The following FARS2 variants were observed in gnomAD, a reference collection of about 807,000 sequenced individuals.
FARS2 encodes the protein phenylalanine--tRNA ligase, mitochondrial.
FARS2 carries 40 observed loss-of-function variants against 46.4 expected under a neutral mutation model. The ratio of observed to expected loss-of-function variants is 0.86; its 90% CI spans 0.67 to 1.12. The LOEUF is 1.12. Among genes scored for constraint, FARS2 ranks in the 50% most tolerant of loss-of-function variants. The pLI is 0.00. For missense variants in FARS2, 513 were observed against 567.9 expected, an observed-to-expected ratio of 0.90 and a Z score of 0.98; for synonymous variants, 234 against 214.9, an observed-to-expected ratio of 1.09 and a Z score of -0.78.
At chr6:5,625,881 T>A (rs1392871332) in intron 6 of FARS2, among the ~76,000 whole-genome samples, 1 of 152,206 alleles carries the variant, frequency 6.6e-6, no homozygotes, top group Non-Finnish European at 1.5e-5. Flanking sequence ...ATCACAAGGC[T>A]GAATCTCAGA....
chr6:5,440,531 C>G (rs79464756), intron 4 of FARS2, among the ~76,000 whole-genome samples: 2,418 of 152,186 alleles, frequency 0.016, 67 homozygotes, highest in African/African-American at 0.055. Flanking sequence ...TTTTTTCCTC[C>G]CTAGGTTTAT....
chr6:5,300,749 C>T (rs1768239842), intron 1 of FARS2, among the ~76,000 whole-genome samples: 1 of 152,032 alleles, frequency 6.6e-6, no homozygotes, highest in Non-Finnish European at 1.5e-5. Context: ...TAGCTTAGTG[C>T]AGCCTTCATC....
intron 1 of FARS2, among the ~76,000 whole-genome samples, chr6:5,281,587 C>G (rs1766726626): frequency 6.6e-6 from 1 of 152,196 alleles, no homozygotes; most frequent in Non-Finnish European, 1.5e-5. Flanking sequence ...TCATCCCACA[C>G]TGAAACTCTG....
At chr6:5,386,277 G>C (rs1289535499) in intron 2 of FARS2, among the ~76,000 whole-genome samples, 2 of 152,120 alleles carry the variant, frequency 1.3e-5, no homozygotes, top group Admixed American at 6.6e-5. Flanking sequence ...ACGAGTCCCC[G>C]GAATGTGTAG....
chr6:5,715,920 A>G (rs1317166575), intron 6 of FARS2, among the ~76,000 whole-genome samples: 1 of 152,180 alleles, frequency 6.6e-6, no homozygotes, highest in East Asian at 1.9e-4. Context: ...ACTGTTGTAT[A>G]TTTGTACTAG....
chr6:5,404,998 C>T (rs941140534), intron 3 of FARS2, among the ~76,000 whole-genome samples: 4 of 151,888 alleles, frequency 2.6e-5, no homozygotes, highest in African/African-American at 9.7e-5. Flanking sequence ...AGGGTTTTAC[C>T]ATGTTGGCCA....
intron 4 of FARS2, among the ~76,000 whole-genome samples, chr6:5,511,197 G>A (rs1002840999): frequency 6.6e-6 from 1 of 152,206 alleles, no homozygotes; most frequent in Non-Finnish European, 1.5e-5. Flanking sequence ...ATGCCAAGAT[G>A]AAGATTTTGT....
chr6:5,562,922 G>A (rs553581791), intron 5 of FARS2, among the ~76,000 whole-genome samples: 1 of 151,658 alleles, frequency 6.6e-6, no homozygotes, highest in African/African-American at 2.4e-5. Flanking sequence ...TCCTGCCTAA[G>A]CCTCCCGAGT....
chr6:5,545,479 A>T, intron 5 of FARS2, 139 bp downstream of exon 5: 1 of 662,194 alleles, frequency 1.5e-6, no homozygotes, highest in Non-Finnish European at 2.3e-6. Flanking sequence ...TCTGGGATAC[A>T]TGTGCAGAAC....
At chr6:5,466,498 A>AGG (rs1765522202) in intron 4 of FARS2, 1 of 978,394 alleles carries the variant, frequency 1.0e-6, no homozygotes, top group African/African-American at 1.8e-5. Flanking sequence ...GTTTAGTGGA[A>AGG]GAAGATAAGG....
At chr6:5,340,535 T>TA (rs753871913) in intron 1 of FARS2, among the ~76,000 whole-genome samples, 2 of 152,228 alleles carry the variant, frequency 1.3e-5, no homozygotes, top group Non-Finnish European at 2.9e-5. Context: ...TGATTTTCCT[T>TA]AAAAATCAAT....
rs565720667 is a variant in FARS2 at position 5,474,748 on chromosome 6, C to T, written c.904+43576C>T. Among the ~76,000 whole-genome samples the T allele has an allele frequency of 4.1e-5, 6 of 147,074 alleles. No homozygotes were observed. The South Asian group carries it at 1.3e-3, about 32-fold the overall frequency. On this transcript the variant is annotated intron_variant, in intron 4 of 6. Transcript: ENST00000274680. ...TGATCTCTGTTCACTGCAACCTCTT[C>T]CTCCTGGATTAAAGCAGTTCTCTAC...
chr6:5,446,847 C>T (rs765962988), intron 4 of FARS2, among the ~76,000 whole-genome samples: 28 of 152,160 alleles, frequency 1.8e-4, no homozygotes, highest in Non-Finnish European at 3.2e-4. Flanking sequence ...CCATTTCCCC[C>T]GCTGTGTCAT....
intron 4 of FARS2, among the ~76,000 whole-genome samples, chr6:5,505,908 T>C (rs1401719364): frequency 6.6e-6 from 1 of 152,252 alleles, no homozygotes; most frequent in Non-Finnish European, 1.5e-5. Flanking sequence ...TTTGCTATTG[T>C]AAATTTAAGT....
At chr6:5,294,742 G>C (rs1767739664) in intron 1 of FARS2, among the ~76,000 whole-genome samples, 1 of 152,168 alleles carries the variant, frequency 6.6e-6, no homozygotes, top group South Asian at 2.1e-4. Context: ...CAAGGTATAG[G>C]GGAAGGGGTG....
chr6:5,559,962 A>G (rs1032563486), intron 5 of FARS2, among the ~76,000 whole-genome samples: 2 of 152,132 alleles, frequency 1.3e-5, no homozygotes, highest in Non-Finnish European at 2.9e-5. Flanking sequence ...ACTTGACCCC[A>G]TATTTATAAT....
chr6:5,747,173 G>A (rs898072185), intron 6 of FARS2, among the ~76,000 whole-genome samples: 5 of 152,178 alleles, frequency 3.3e-5, no homozygotes, highest in South Asian at 2.1e-4. Context: ...GATGGGCTTC[G>A]CAAAGAGATA....
chr6:5,444,272 G>T (rs576890179), intron 4 of FARS2, among the ~76,000 whole-genome samples: 37 of 152,126 alleles, frequency 2.4e-4, no homozygotes, highest in South Asian at 1.2e-3. Flanking sequence ...TTCGCGACCA[G>T]CCTGACCAAC....
intron 6 of FARS2, among the ~76,000 whole-genome samples, chr6:5,679,842 T>TCCCCCA (rs1778944944): frequency 6.8e-6 from 1 of 147,280 alleles, no homozygotes; most frequent in African/African-American, 2.5e-5. Context: ...AACCCTCACT[T>TCCCCCA]CCCCCACCCC....
Sources: gnomAD v4.1 joint callset for allele counts (sites outside exome capture counted in the v4.1 genomes callset) on GRCh38, gnomAD v4.1.1 for gene constraint, MANE v1.5 for transcripts, NCBI Gene and HGNC (gene_info 2026-07-23, HGNC 2026-07-21) for gene names.